BPNT2: variants seen among roughly 807,000 people sequenced by gnomAD.
BPNT2 encodes Golgi-resident adenosine 3',5'-bisphosphate 3'-phosphatase.
A neutral mutation model predicts 29.3 loss-of-function variants in BPNT2; 11 were observed. The observed-to-expected ratio is 0.38, with a 90% CI of 0.24 to 0.62. The LOEUF (loss-of-function observed/expected upper bound fraction) is 0.62, where lower values mean the gene tolerates loss of function less well. Ranked by LOEUF, BPNT2 falls within the 20% of genes least tolerant of loss-of-function variation. The pLI, the probability that BPNT2 is intolerant of heterozygous loss-of-function variation, is 0.62. For missense variants in BPNT2, 459 were observed against 473.4 expected, an observed-to-expected ratio of 0.97 and a Z score of 0.28; for synonymous variants, 195 against 187.7, an observed-to-expected ratio of 1.04 and a Z score of -0.32.
chr8:56,993,806 C>T lies in BPNT2; in HGVS notation c.-221G>A. On this transcript the variant is annotated 5_prime_UTR_variant, in exon 1 of 5. Transcript: ENST00000262644. ...CGCGCGCCTGACTCGCCAGGCAGCG[C>T]GCTCTAGGTTCTTCCGCCGGCCGGC... 1 of 480,378 alleles carries T rather than the reference C, an allele frequency of 2.1e-6. No homozygotes were observed. The highest frequency in any genetic ancestry group is 2.7e-6 in the Non-Finnish European group (1 of 366,260). 29.8% of individuals were successfully genotyped at this position (480,378 alleles called of 1,614,324 possible).
In BPNT2 at chr8:56,960,319, C is replaced by G. The variant is rs146411464; in HGVS notation, c.*3474G>C. 1.5e-4 allele frequency: 23 copies of G among 152,220 alleles called. No individual in the cohort carries two copies. The highest frequency in any genetic ancestry group is 1.0e-3 in the Admixed American group (16 of 15,282). 9.4% of individuals were successfully genotyped at this position (152,220 alleles called of 1,614,324 possible). A position where few individuals can be genotyped will look rare whatever the true frequency, so the allele number is the denominator to read the frequency against. ...GACAGATATCCTGATCCTGGGGTGA[C>G]CAGGGTAGATGTCTGCTTTGCATCC... On this transcript the variant is annotated 3_prime_UTR_variant, in exon 5 of 5. Transcript: ENST00000262644.
At chr8:56,985,953 C>G (rs964956054) in intron 1 of BPNT2, among the ~76,000 whole-genome samples, 1 of 152,208 alleles carries the variant, frequency 6.6e-6, no homozygotes, top group Non-Finnish European at 1.5e-5. Flanking sequence ...GCCCAATTCT[C>G]CAATCTCTTC....
chr8:56,992,641 T>C (rs73683626), intron 1 of BPNT2, among the ~76,000 whole-genome samples: 15 of 151,590 alleles, frequency 9.9e-5, no homozygotes, highest in African/African-American at 3.4e-4. Context: ...CTATAAACTT[T>C]AGAGCGTCCT....
At chr8:56,977,569 C>A (rs1415861669) in intron 3 of BPNT2, among the ~76,000 whole-genome samples, 1 of 152,150 alleles carries the variant, frequency 6.6e-6, no homozygotes, top group African/African-American at 2.4e-5. Context: ...ATGTTGACAT[C>A]CTCACTCCCA....
At chr8:56,972,235 T>C (rs1433240932) in intron 3 of BPNT2, among the ~76,000 whole-genome samples, 11 of 151,970 alleles carry the variant, frequency 7.2e-5, no homozygotes. Context: ...TTTCATAGTG[T>C]TTAATGCAAA....
At chr8:56,975,079 G>A (rs895871789) in intron 3 of BPNT2, among the ~76,000 whole-genome samples, 2 of 152,130 alleles carry the variant, frequency 1.3e-5, no homozygotes, top group African/African-American at 4.8e-5. Context: ...AGGACTTCAA[G>A]ATATTTTTTT....
intron 1 of BPNT2, among the ~76,000 whole-genome samples, chr8:56,987,446 A>C (rs1806344211): frequency 6.6e-6 from 1 of 152,182 alleles, no homozygotes; most frequent in Non-Finnish European, 1.5e-5. Flanking sequence ...AGGGAGAAGA[A>C]AGACTGCCCC....
Position 56,957,994 on chromosome 8 carries a change from C to T in BPNT2, c.*5799G>A, listed in dbSNP as rs1805764803. ...TTCGTTTGGCAAAGTATATCCGGGG[C>T]AGAGAGTTTGGGATAATTATGTCAT... On this transcript the variant is annotated 3_prime_UTR_variant, in exon 5 of 5. Transcript: ENST00000262644. 6.6e-6 allele frequency: 1 copy of T among 151,818 alleles called. No homozygotes were observed. The highest frequency in any genetic ancestry group is 1.5e-5 in the Non-Finnish European group (1 of 67,990). 9.4% of individuals were successfully genotyped at this position (151,818 alleles called of 1,614,324 possible).
At chr8:56,973,380 GA>G (rs1236893424) in intron 3 of BPNT2, among the ~76,000 whole-genome samples, 1 of 152,126 alleles carries the variant, frequency 6.6e-6, no homozygotes, top group East Asian at 1.9e-4. Context: ...CCCTGACAGA[GA>G]AAATCATTCA....
intron 2 of BPNT2, 81 bp downstream of exon 2, chr8:56,979,954 C>G (rs897059274): frequency 7.7e-7 from 1 of 1,303,044 alleles, no homozygotes; most frequent in Non-Finnish European, 1.1e-6. Flanking sequence ...GAGCCACTAT[C>G]ACCTATAGGA....
chr8:56,975,523 C>T (rs1258785021), intron 3 of BPNT2, among the ~76,000 whole-genome samples: 1 of 151,896 alleles, frequency 6.6e-6, no homozygotes, highest in East Asian at 1.9e-4. Context: ...TTACTGAAGA[C>T]TGAAAAAACT....
At chr8:56,989,288 C>A (rs541613627) in intron 1 of BPNT2, among the ~76,000 whole-genome samples, 1 of 151,374 alleles carries the variant, frequency 6.6e-6, no homozygotes, top group South Asian at 2.1e-4. Context: ...AGGAGAATGG[C>A]ATGAACCTGG....
At chr8:56,967,198 G>A (rs1416639169) in intron 3 of BPNT2, 1 of 456,160 alleles carries the variant, frequency 2.2e-6, no homozygotes, top group African/African-American at 2.0e-5. Flanking sequence ...GAAACCAGCT[G>A]CATCACCAGC....
chr8:56,991,289 C>G (rs1426941756), intron 1 of BPNT2, among the ~76,000 whole-genome samples: 1 of 152,180 alleles, frequency 6.6e-6, no homozygotes, highest in Non-Finnish European at 1.5e-5. Context: ...TTCAAATAGT[C>G]ACAAGAAAAC....
chr8:56,987,873 C>T (rs1806351289), intron 1 of BPNT2, among the ~76,000 whole-genome samples: 1 of 151,774 alleles, frequency 6.6e-6, no homozygotes, highest in Non-Finnish European at 1.5e-5. Flanking sequence ...GGACTACAGA[C>T]ACCCGCCACC....
chr8:56,965,698 G>A (rs902910121), intron 4 of BPNT2, among the ~76,000 whole-genome samples: 58 of 152,234 alleles, frequency 3.8e-4, no homozygotes, highest in South Asian at 1.0e-3. Context: ...GAGAATATAC[G>A]ATAAGGTGGG....
At position 56,962,758 on chromosome 8, in the gene BPNT2, A is replaced by C. The variant is rs1805858772; in HGVS notation, c.*1035T>G. 1 of 152,186 alleles carries C rather than the reference A, an allele frequency of 6.6e-6. No individual in the cohort carries two copies. Among genetic ancestry groups the C allele is most frequent in the African/African-American group, 2.4e-5 (1 of 41,450 alleles). The allele number at this position is 152,186 out of a possible 1,614,324, so 9.4% of individuals were successfully genotyped here. ...TAGTAAAAGCAACCATGGCAAAAGC[A>C]ACCATACTCATTCTTGATAATGAAA... On this transcript the variant is annotated 3_prime_UTR_variant, in exon 5 of 5. Transcript: ENST00000262644.
chr8:56,991,833 G>T (rs1806421136), intron 1 of BPNT2, among the ~76,000 whole-genome samples: 1 of 152,104 alleles, frequency 6.6e-6, no homozygotes, highest in Non-Finnish European at 1.5e-5. Flanking sequence ...GTATGTTTTG[G>T]AAAGGGGGTA....
chr8:56,989,497 TTAA>T (rs1325557068), intron 1 of BPNT2, among the ~76,000 whole-genome samples: 1 of 152,180 alleles, frequency 6.6e-6, no homozygotes, highest in Non-Finnish European at 1.5e-5. Flanking sequence ...GAAGATAAAA[TTAA>T]TAATGTCATT....
Sources: allele counts gnomAD v4.1 joint callset (sites outside exome capture counted in the v4.1 genomes callset), GRCh38; gene constraint gnomAD v4.1.1; transcripts MANE v1.5; gene names NCBI Gene and HGNC (gene_info 2026-07-23, HGNC 2026-07-21).